The following MYCBP variants were observed in gnomAD, a reference collection of about 807,000 sequenced individuals.
MYCBP encodes MYC binding protein, also known as C-Myc-binding protein.
Under a neutral mutation model 16.8 loss-of-function variants are expected in MYCBP, and 5 were observed. That is an observed-to-expected ratio of 0.30 (90% confidence interval 0.16 to 0.63). The LOEUF is 0.63. Among genes scored for constraint, MYCBP ranks in the 20% least tolerant of loss-of-function variants. The pLI, the probability that MYCBP is intolerant of heterozygous loss-of-function variation, is 0.83. For synonymous variants in MYCBP, 35 were observed against 43.7 expected (o/e 0.80, Z 0.79); for missense variants, 103 against 121.8 (o/e 0.85, Z 0.73).
chr1:38,872,919 T>C lies in MYCBP; in HGVS notation c.88+99A>G, dbSNP rs917335450. The C allele has an allele frequency of 2.2e-4, 299 of 1,379,930 alleles. 2 individuals carry two copies. Among genetic ancestry groups the C allele is most frequent in the Non-Finnish European group, 3.9e-5 (39 of 1,008,128 alleles). The allele number at this position is 1,379,930 out of a possible 1,614,324, so 85.5% of individuals were successfully genotyped here. A position where few individuals can be genotyped will look rare whatever the true frequency, so the allele number is the denominator to read the frequency against. ...CGCTGGACCCCGGACGGGCCCCATC[T>C]GTTTCCCCTCCTTCCCCACGCTACG... is the stretch of plus-strand genomic sequence containing the variant. On this transcript the variant is annotated intron_variant, in intron 2 of 4. Transcript: ENST00000397572.
rs1320448188 is a variant in MYCBP at position 38,862,824 on chromosome 1, TCA to T, written c.*1844_*1845del. The T allele has an allele frequency of 1.3e-5, 2 of 152,164 alleles. No individual in the cohort carries two copies. Among genetic ancestry groups the T allele is most frequent in the African/African-American group, 2.4e-5 (1 of 41,418 alleles). The allele number at this position is 152,164 out of a possible 1,614,324, so 9.4% of individuals were successfully genotyped here. A position where few individuals can be genotyped will look rare whatever the true frequency, so the allele number is the denominator to read the frequency against. ...TCAAAAAGGATGGTACCAAAGACAG[TCA>T]CAGTCACCTGGCTTACTGACATAAA... On this transcript the variant is annotated 3_prime_UTR_variant, in exon 5 of 5. Coordinates refer to ENST00000397572, the MANE Select transcript of MYCBP (RefSeq NM_012333.5).
rs373595085 is a variant in MYCBP, at chr1:38,870,725, G to A, written c.88+2293C>T. On this transcript the variant is annotated intron_variant, in intron 2 of 4. Transcript: ENST00000397572. ...GGAGAATGGCGTGAACCCGGGAAGC[G>A]GAGCTTGCAGTGAGCCGAGATTGCG... Among the ~76,000 whole-genome samples, 444 of 143,088 alleles carry A rather than the reference G, an allele frequency of 3.1e-3. 18 individuals are homozygous for A. In the East Asian group the frequency reaches 0.077, roughly 25 times the overall value. The allele number at this position is 143,088 out of a possible 152,430, so 93.9% of individuals were successfully genotyped here. A position where few individuals can be genotyped will look rare whatever the true frequency, so the allele number is the denominator to read the frequency against.
chr1:38,869,995 C>T (rs909192328), intron 2 of MYCBP, among the ~76,000 whole-genome samples: 1 of 151,680 alleles, frequency 6.6e-6, no homozygotes, highest in Non-Finnish European at 1.5e-5. Context: ...GGTGAAACCC[C>T]GTCTCTACTA....
Position 38,864,595 on chromosome 1 carries a change from A to G in MYCBP, c.*75T>C, listed in dbSNP as rs772034435. On this transcript the variant is annotated 3_prime_UTR_variant, in exon 5 of 5. Coordinates refer to ENST00000397572, the MANE Select transcript of MYCBP (RefSeq NM_012333.5). ...AAAGAGTTCTATAGCATCTGTTCAG[A>G]AAAGATTATATACTATACAAACTAT... 2.8e-4 allele frequency: 405 copies of G among 1,458,886 alleles called. No homozygotes were observed. The highest frequency in any genetic ancestry group is 3.2e-4 in the Non-Finnish European group (328 of 1,040,932). The allele number at this position is 1,458,886 out of a possible 1,614,324, so 90.4% of individuals were successfully genotyped here.
chr1:38,871,427 CT>C (rs71573793), intron 2 of MYCBP, among the ~76,000 whole-genome samples: 2,551 of 110,530 alleles, frequency 0.023, 28 homozygotes, highest in African/African-American at 0.054. Flanking sequence ...CCACCTGTCA[CT>C]TTTTTTTTTT....
rs1439774868 is a variant in MYCBP, at chr1:38,873,343, G to A, written c.-38C>T. On this transcript the variant is annotated 5_prime_UTR_variant, in exon 1 of 5. Transcript: ENST00000397572. ...AGCGGCGTAGCTGGCGCCGGAGACC[G>A]CGACTGGCGGGTTGGGAGCAGCACT... The A allele has an allele frequency of 6.3e-7, 1 of 1,597,204 alleles. No individual in the cohort carries two copies. Among genetic ancestry groups the A allele is most frequent in the East Asian group, 2.2e-5 (1 of 44,724 alleles).
At chr1:38,873,248 T>G (rs768853288) in intron 1 of MYCBP, 43 bp downstream of exon 1, 14 of 1,597,190 alleles carry the variant, frequency 8.8e-6, no homozygotes, top group Non-Finnish European at 1.1e-5. Context: ...ACCAGCGGCT[T>G]GCTACCGCCC....
chr1:38,869,530 C>G (rs190176412), intron 2 of MYCBP, among the ~76,000 whole-genome samples: 2 of 152,302 alleles, frequency 1.3e-5, no homozygotes, highest in Admixed American at 1.3e-4. Context: ...TACAAAGTTT[C>G]CTGTGCTGTT....
At chr1:38,869,826 A>G (rs1046583016) in intron 2 of MYCBP, among the ~76,000 whole-genome samples, 8 of 151,118 alleles carry the variant, frequency 5.3e-5, no homozygotes, top group Non-Finnish European at 8.8e-5. Flanking sequence ...GGATTGCTTG[A>G]GCCCAGGAGT....
In MYCBP at chr1:38,863,833, T is replaced by C. The variant is rs184729417; in HGVS notation, c.*837A>G. ...TAATTATACCTACAAACTATGATTT[T>C]CCCCAATATATGGCTCATTCCTCTT... is the stretch of plus-strand genomic sequence containing the variant. On this transcript the variant is annotated 3_prime_UTR_variant, in exon 5 of 5. Transcript: ENST00000397572. 1 of 152,726 alleles carries C rather than the reference T, an allele frequency of 6.5e-6. No homozygotes were observed. The highest frequency in any genetic ancestry group is 1.9e-4 in the East Asian group (1 of 5,194). The allele number at this position is 152,726 out of a possible 1,614,324, so 9.5% of individuals were successfully genotyped here. A position where few individuals can be genotyped will look rare whatever the true frequency, so the allele number is the denominator to read the frequency against.
intron 2 of MYCBP, among the ~76,000 whole-genome samples, chr1:38,871,160 G>A (rs995346020): frequency 6.6e-6 from 1 of 152,078 alleles, no homozygotes; most frequent in African/African-American, 2.4e-5. Flanking sequence ...ACAATCGCTT[G>A]AACCCGGAGG....
rs1570879874 is a variant in MYCBP at position 38,864,550 on chromosome 1, T to C, written c.*120A>G. 4 of 978,214 alleles carry C rather than the reference T, an allele frequency of 4.1e-6. No homozygotes were observed. In the East Asian group the frequency reaches 7.8e-5, roughly 19 times the overall value. The allele number at this position is 978,214 out of a possible 1,614,324, so 60.6% of individuals were successfully genotyped here. On this transcript the variant is annotated 3_prime_UTR_variant, in exon 5 of 5. Coordinates refer to ENST00000397572, the MANE Select transcript of MYCBP (RefSeq NM_012333.5). ...TCTATGTGTTTTTAACAGAGTGTGA[T>C]AGGTGAATTAAACATATTAAAAGAG...
At chr1:38,867,520 A>G (rs754479133) in intron 3 of MYCBP, 42 bp downstream of exon 3, 1 of 1,515,964 alleles carries the variant, frequency 6.6e-7, no homozygotes, top group East Asian at 2.3e-5. Context: ...CTAAAAAAAT[A>G]AGAGTTTCAA....
At position 38,866,942 on chromosome 1, in the gene MYCBP, G is replaced by C. The variant is rs759762259; in HGVS notation, c.205C>G (p.Leu69Val). The C allele has an allele frequency of 5.0e-6, 8 of 1,607,464 alleles. No homozygotes were observed. In the Admixed American group the frequency reaches 8.5e-5, roughly 17 times the overall value. Reference protein sequence around the residue: ...NPEIELLRLELAEMKEKYEAI... With the variant: ...NPEIELLRLEVAEMKEKYEAI... ...TCATACTTCTCTTTCATTTCGGCCAGTTCTAGGCGAAGCAGCTCTATTTCT... is the reference window on the plus strand; with the variant it reads ...TCATACTTCTCTTTCATTTCGGCCACTTCTAGGCGAAGCAGCTCTATTTCT... The change falls in exon 4 of 5, where the codon CTG becomes GTG. Residue 69 changes from leucine to valine, a missense_variant. By Grantham distance (32) the Leu-to-Val change is conservative. Coordinates refer to ENST00000397572, the MANE Select transcript of MYCBP (RefSeq NM_012333.5).
intron 2 of MYCBP, among the ~76,000 whole-genome samples, chr1:38,869,048 G>GA (rs754824281): frequency 1.0e-4 from 15 of 150,270 alleles, no homozygotes; most frequent in Non-Finnish European, 1.9e-4. Flanking sequence ...TATACAGTAT[G>GA]AAAAAATCAC....
intron 2 of MYCBP, 76 bp from the exon 3 acceptor site, chr1:38,867,686 G>A (rs1259591268): frequency 2.4e-6 from 3 of 1,271,858 alleles, no homozygotes; most frequent in East Asian, 4.7e-5. Flanking sequence ...CCATTACCCA[G>A]TAAATATTAG....
chr1:38,873,280 G>GC lies in MYCBP; in HGVS notation c.15+10dup. ...GCCCGCATGCCCCCAGCCACGCCGC[G>GC]CCCCCCTCACTTTGTAATGGGCCAT... On this transcript the variant is annotated intron_variant, in intron 1 of 4. Coordinates refer to ENST00000397572, the MANE Select transcript of MYCBP (RefSeq NM_012333.5). 6.2e-7 allele frequency: 1 copy of GC among 1,600,944 alleles called. No homozygotes were observed. The highest frequency in any genetic ancestry group is 8.5e-7 in the Non-Finnish European group (1 of 1,178,242).
At chr1:38,867,497 G>C (rs1211227148) in intron 3 of MYCBP, 65 bp downstream of exon 3, 3 of 1,235,254 alleles carry the variant, frequency 2.4e-6, no homozygotes, top group African/African-American at 3.1e-5. Flanking sequence ...GTATTTTAAA[G>C]GTTATTATCT....
chr1:38,869,706 G>C (rs1642419501), intron 2 of MYCBP, among the ~76,000 whole-genome samples: 2 of 152,108 alleles, frequency 1.3e-5, no homozygotes, highest in Admixed American at 1.3e-4. Flanking sequence ...TCCTTTCATA[G>C]TGTTTTAATG....
Sources: gnomAD v4.1 joint callset for allele counts (sites outside exome capture counted in the v4.1 genomes callset) on GRCh38, gnomAD v4.1.1 for gene constraint, MANE v1.5 for transcripts, NCBI Gene and HGNC (gene_info 2026-07-23, HGNC 2026-07-21) for gene names.